IMMP2L: variants seen among roughly 807,000 people sequenced by gnomAD.
IMMP2L encodes the protein mitochondrial inner membrane protease subunit 2.
In IMMP2L, 18 loss-of-function variants were observed where a neutral mutation model predicts 19.3. The observed-to-expected ratio is 0.93, with a 90% CI of 0.64 to 1.38. The LOEUF is 1.38. Among genes scored for constraint, IMMP2L ranks in the 40% most tolerant of loss-of-function variants. The pLI, the probability that IMMP2L is intolerant of heterozygous loss-of-function variation, is 0.00. For synonymous variants in IMMP2L, 76 were observed against 73.0 expected, an observed-to-expected ratio of 1.04 and a Z score of -0.21; for missense variants, 233 against 218.2, an observed-to-expected ratio of 1.07 and a Z score of -0.43.
chr7:111,351,564 A>G (rs1828166909), intron 3 of IMMP2L, among the ~76,000 whole-genome samples: 1 of 152,148 alleles, frequency 6.6e-6, no homozygotes, highest in Admixed American at 6.6e-5. Context: ...ATTCATCACC[A>G]ACATCATTTT....
chr7:111,065,641 G>C (rs919602745), intron 3 of IMMP2L, among the ~76,000 whole-genome samples: 5 of 152,164 alleles, frequency 3.3e-5, no homozygotes, highest in Non-Finnish European at 7.3e-5. Flanking sequence ...ACATGAAAAG[G>C]CTAGACTGGC....
chr7:111,161,367 T>C (rs1805245856), intron 3 of IMMP2L, among the ~76,000 whole-genome samples: 1 of 151,928 alleles, frequency 6.6e-6, no homozygotes, highest in Non-Finnish European at 1.5e-5. Context: ...AATCCAGTGA[T>C]ACATAAAAAC....
chr7:111,208,333 A>C (rs1810946284), intron 3 of IMMP2L, among the ~76,000 whole-genome samples: 1 of 152,196 alleles, frequency 6.6e-6, no homozygotes, highest in Non-Finnish European at 1.5e-5. Flanking sequence ...GGTGAAAGCA[A>C]GAAGATTTTT....
intron 3 of IMMP2L, chr7:111,122,852 T>G: frequency 6.2e-7 from 1 of 1,613,986 alleles, no homozygotes; most frequent in African/African-American, 1.3e-5. Flanking sequence ...GATAAAAAAG[T>G]GGATTGTCCA....
chr7:111,268,487 TAA>T lies in IMMP2L; in HGVS notation c.239+218749_239+218750del, dbSNP rs927826185. Among the ~76,000 whole-genome samples the T allele has an allele frequency of 1.8e-3, 114 of 62,362 alleles. 1 individual carries two copies. Among genetic ancestry groups the T allele is most frequent in the African/African-American group, 4.4e-3 (77 of 17,500 alleles). The allele number at this position is 62,362 out of a possible 152,430, so 40.9% of individuals were successfully genotyped here. A position where few individuals can be genotyped will look rare whatever the true frequency, so the allele number is the denominator to read the frequency against. On this transcript the variant is annotated intron_variant, in intron 3 of 5. Coordinates refer to ENST00000405709, the MANE Select transcript of IMMP2L (RefSeq NM_032549.4). ...AATTTTGTTTTTGTCGTTTATCTAA[TAA>T]AAAAAAAAAAAAAAAAAAAGGAGCC... is the stretch of plus-strand genomic sequence containing the variant.
intron 3 of IMMP2L, among the ~76,000 whole-genome samples, chr7:111,275,118 A>G (rs529026542): frequency 3.0e-4 from 46 of 152,296 alleles, no homozygotes; most frequent in African/African-American, 1.1e-3. Context: ...TGCACTGTGC[A>G]TATTCATAGG....
At chr7:111,031,407 T>TGAGA in intron 3 of IMMP2L, among the ~76,000 whole-genome samples, 2 of 147,218 alleles carry the variant, frequency 1.4e-5, no homozygotes, top group East Asian at 4.0e-4. Flanking sequence ...TGTGTGTGTG[T>TGAGA]GAGAGAAAGA....
intron 5 of IMMP2L, among the ~76,000 whole-genome samples, chr7:110,700,344 G>C (rs1339804204): frequency 3.2e-5 from 4 of 124,232 alleles, no homozygotes; most frequent in African/African-American, 1.1e-4. Flanking sequence ...TGAAGTTTCA[G>C]CTTTGGTCAT....
In IMMP2L at chr7:110,758,850, G is replaced by A; in HGVS notation, c.409-95129C>T. 6.6e-6 allele frequency among the ~76,000 whole-genome samples: 1 copy of A among 151,956 alleles called. No individual in the cohort carries two copies. Among genetic ancestry groups the A allele is most frequent in the Non-Finnish European group, 1.5e-5 (1 of 67,984 alleles). ...GAGTTATATAAGTAAACCTCCCCAG[G>A]TGCCAAATCTCTCTGACATTGCTGC... On this transcript the variant is annotated intron_variant, in intron 5 of 5. Coordinates refer to ENST00000405709, the MANE Select transcript of IMMP2L (RefSeq NM_032549.4). The surrounding 1 kb of genome is among the most constrained non-coding windows in gnomAD (Gnocchi z 4.6).
intron 5 of IMMP2L, among the ~76,000 whole-genome samples, chr7:110,814,806 T>G (rs1244827111): frequency 6.6e-6 from 1 of 151,514 alleles, no homozygotes; most frequent in Non-Finnish European, 1.5e-5. Context: ...GTATTTTAAG[T>G]ATAAAATAAA....
intron 3 of IMMP2L, among the ~76,000 whole-genome samples, chr7:111,180,396 G>T (rs1221350152): frequency 1.3e-5 from 2 of 151,972 alleles, no homozygotes; most frequent in Admixed American, 1.3e-4. Flanking sequence ...TCCGGAACCT[G>T]CCAGTCAGTG....
intron 5 of IMMP2L, among the ~76,000 whole-genome samples, chr7:110,686,498 C>A (rs1421685637): frequency 6.6e-6 from 1 of 152,048 alleles, no homozygotes; most frequent in Non-Finnish European, 1.5e-5. Flanking sequence ...ACAATCCCAA[C>A]AGGGTATCCC....
At chr7:111,272,994 A>G (rs1818634150) in intron 3 of IMMP2L, among the ~76,000 whole-genome samples, 1 of 152,166 alleles carries the variant, frequency 6.6e-6, no homozygotes, top group Non-Finnish European at 1.5e-5. Context: ...ATCAAAGTCC[A>G]GAAATTAAAA....
At chr7:111,334,138 T>A (rs1433045936) in intron 3 of IMMP2L, among the ~76,000 whole-genome samples, 2 of 152,020 alleles carry the variant, frequency 1.3e-5, no homozygotes, top group African/African-American at 4.8e-5. Flanking sequence ...ATTTATCATC[T>A]ATACCATTTT....
At chr7:111,514,975 A>G (rs1845758453) in intron 2 of IMMP2L, among the ~76,000 whole-genome samples, 1 of 151,988 alleles carries the variant, frequency 6.6e-6, no homozygotes, top group Non-Finnish European at 1.5e-5. Context: ...GCTTTCTGCT[A>G]TTTTCATTCT....
At chr7:110,694,468 A>G (rs1208826687) in intron 5 of IMMP2L, among the ~76,000 whole-genome samples, 1 of 152,188 alleles carries the variant, frequency 6.6e-6, no homozygotes, top group African/African-American at 2.4e-5. Flanking sequence ...AAAATTAAGG[A>G]AAAGAAAAAG....
At chr7:111,163,553 T>C (rs889937669) in intron 3 of IMMP2L, among the ~76,000 whole-genome samples, 4 of 152,152 alleles carry the variant, frequency 2.6e-5, no homozygotes, top group African/African-American at 9.7e-5. Context: ...TCTGTATGTC[T>C]CTGCCTTGTC....
At chr7:111,419,509 G>GCAGC (rs1489197525) in intron 3 of IMMP2L, among the ~76,000 whole-genome samples, 1 of 151,680 alleles carries the variant, frequency 6.6e-6, no homozygotes, top group Admixed American at 6.6e-5. Context: ...AAATAAATGT[G>GCAGC]TATCTGATTG....
chr7:110,788,383 T>C (rs898986010), intron 5 of IMMP2L, among the ~76,000 whole-genome samples: 8 of 149,340 alleles, frequency 5.4e-5, no homozygotes, highest in African/African-American at 2.1e-4. Context: ...ATGTAAATAC[T>C]TGCTTTTCTT....
Sources: gnomAD v4.1 joint callset for allele counts (sites outside exome capture counted in the v4.1 genomes callset) on GRCh38, gnomAD v4.1.1 for gene constraint, Gnocchi (gnomAD v3.1) non-coding constraint, MANE v1.5 for transcripts, NCBI Gene and HGNC (gene_info 2026-07-23, HGNC 2026-07-21) for gene names.